The following PPP2R3A variants were observed in gnomAD, a reference collection of about 807,000 sequenced individuals.
PPP2R3A encodes the protein serine/threonine-protein phosphatase 2A regulatory subunit B'' subunit alpha.
A neutral mutation model predicts 106.9 loss-of-function variants in PPP2R3A; 80 were observed. That is an observed-to-expected ratio of 0.75 (90% confidence interval 0.62 to 0.90). The LOEUF (loss-of-function observed/expected upper bound fraction) is 0.90. Ranked by LOEUF, PPP2R3A falls within the 40% of genes least tolerant of loss-of-function variation. The pLI, the probability that PPP2R3A is intolerant of heterozygous loss-of-function variation, is 0.00. For missense variants in PPP2R3A, 1,386 were observed against 1,350.4 expected (o/e 1.03, Z -0.41); for synonymous variants, 483 against 468.3 (o/e 1.03, Z -0.41).
intron 2 of PPP2R3A, among the ~76,000 whole-genome samples, chr3:136,009,595 C>T (rs919529453): frequency 6.6e-6 from 1 of 151,982 alleles, no homozygotes; most frequent in Non-Finnish European, 1.5e-5. Flanking sequence ...AGTATGGTTC[C>T]CAACTAATAC....
intron 13 of PPP2R3A, among the ~76,000 whole-genome samples, chr3:136,134,181 T>C (rs748774066): frequency 5.5e-4 from 84 of 152,302 alleles, no homozygotes; most frequent in Middle Eastern, 3.4e-3. Context: ...TGCTGTCTCA[T>C]AGAAGAAACA....
At chr3:136,050,878 C>G (rs1935661652) in intron 5 of PPP2R3A, among the ~76,000 whole-genome samples, 1 of 152,080 alleles carries the variant, frequency 6.6e-6, no homozygotes, top group African/African-American at 2.4e-5. Context: ...GAAGTGACCT[C>G]AAAATCTTCA....
intron 1 of PPP2R3A, among the ~76,000 whole-genome samples, chr3:135,974,451 T>C (rs1365005736): frequency 1.3e-5 from 2 of 152,356 alleles, no homozygotes; most frequent in East Asian, 1.9e-4. Context: ...AAGTAAGTTA[T>C]CCACTCAGAG....
chr3:135,966,470 A>C (rs1417804898), intron 1 of PPP2R3A, among the ~76,000 whole-genome samples: 2 of 151,984 alleles, frequency 1.3e-5, no homozygotes, highest in African/African-American at 2.4e-5. Context: ...GCCGCGCTGG[A>C]GCGCCTCGGT....
chr3:135,999,310 T>C (rs1933525510), intron 1 of PPP2R3A, among the ~76,000 whole-genome samples: 1 of 152,198 alleles, frequency 6.6e-6, no homozygotes, highest in Admixed American at 6.5e-5. Flanking sequence ...AACCACCTTA[T>C]ATTAGGCCAC....
intron 5 of PPP2R3A, among the ~76,000 whole-genome samples, chr3:136,059,118 C>T (rs528334320): frequency 3.3e-5 from 5 of 151,906 alleles, no homozygotes; most frequent in Non-Finnish European, 5.9e-5. Context: ...GCAATTGTAA[C>T]GGGCAAAAAT....
At chr3:136,124,344 G>T (rs1294149609) in intron 13 of PPP2R3A, among the ~76,000 whole-genome samples, 1 of 152,092 alleles carries the variant, frequency 6.6e-6, no homozygotes, top group Non-Finnish European at 1.5e-5. Context: ...GCCGGGCATG[G>T]GGATGGCATA....
chr3:136,044,997 A>G (rs945309306), intron 4 of PPP2R3A, among the ~76,000 whole-genome samples: 4 of 152,170 alleles, frequency 2.6e-5, no homozygotes, highest in African/African-American at 9.7e-5. Context: ...ACAAAACACA[A>G]CCATAGGCAC....
At chr3:136,040,132 T>C (rs929401723) in intron 3 of PPP2R3A, among the ~76,000 whole-genome samples, 3 of 152,194 alleles carry the variant, frequency 2.0e-5, no homozygotes, top group African/African-American at 7.2e-5. Flanking sequence ...GAGAAGGAGA[T>C]AGGTAGTGGA....
intron 10 of PPP2R3A, among the ~76,000 whole-genome samples, chr3:136,099,575 AG>A: frequency 6.6e-6 from 1 of 152,122 alleles, no homozygotes; most frequent in South Asian, 2.1e-4. Context: ...AACAATGTTT[AG>A]AAGATAAAGC....
chr3:136,108,695 T>C (rs1217408548), intron 13 of PPP2R3A, among the ~76,000 whole-genome samples: 1 of 151,084 alleles, frequency 6.6e-6, no homozygotes, highest in Non-Finnish European at 1.5e-5. Flanking sequence ...AGGTTTATCA[T>C]TGGGTTTTTT....
Position 136,000,754 on chromosome 3 carries a change from T to C in PPP2R3A, c.-440-305T>C, listed in dbSNP as rs544843324. Among the ~76,000 whole-genome samples the C allele has an allele frequency of 5.9e-4, 90 of 152,312 alleles. 1 individual carries two copies. Among genetic ancestry groups the C allele is most frequent in the African/African-American group, 2.1e-3 (89 of 41,552 alleles). Reference sequence around the variant, plus strand: ...TGAGGAAATCAGAAGTGTGAATTTTTAAGCTGTGAGGGATGAAAATGCCGT... The same window carrying C: ...TGAGGAAATCAGAAGTGTGAATTTTCAAGCTGTGAGGGATGAAAATGCCGT... On this transcript the variant is annotated intron_variant, in intron 1 of 13. Coordinates refer to ENST00000264977, the MANE Select transcript of PPP2R3A (RefSeq NM_002718.5).
At chr3:135,999,719 T>C (rs1183436878) in intron 1 of PPP2R3A, among the ~76,000 whole-genome samples, 1 of 152,178 alleles carries the variant, frequency 6.6e-6, no homozygotes, top group Non-Finnish European at 1.5e-5. Context: ...CCTTTTTCTT[T>C]CTCAGCAAGA....
intron 13 of PPP2R3A, among the ~76,000 whole-genome samples, chr3:136,114,544 C>T (rs936758417): frequency 9.9e-5 from 15 of 152,194 alleles, no homozygotes; most frequent in Admixed American, 3.9e-4. Flanking sequence ...GCTTGAAATT[C>T]TTGCTGCCAG....
chr3:136,088,522 T>C (rs1937015943), intron 9 of PPP2R3A, among the ~76,000 whole-genome samples: 1 of 152,206 alleles, frequency 6.6e-6, no homozygotes, highest in African/African-American at 2.4e-5. Context: ...GTTGATTCCA[T>C]GTCTTTGCTA....
intron 2 of PPP2R3A, among the ~76,000 whole-genome samples, chr3:136,009,384 C>G (rs1053696754): frequency 2.0e-5 from 3 of 152,088 alleles, no homozygotes; most frequent in African/African-American, 7.2e-5. Flanking sequence ...CATCTACCAA[C>G]CCAGGTCACT....
At chr3:136,063,350 A>C (rs922879982) in intron 5 of PPP2R3A, among the ~76,000 whole-genome samples, 1 of 152,234 alleles carries the variant, frequency 6.6e-6, no homozygotes, top group African/African-American at 2.4e-5. Flanking sequence ...ACCATTCAGG[A>C]CATAGGCATG....
At position 136,145,158 on chromosome 3, in the gene PPP2R3A, G is replaced by T; in HGVS notation, c.3445G>T (p.Glu1149Ter). 1 of 1,609,302 alleles carries T rather than the reference G, an allele frequency of 6.2e-7. No individual in the cohort carries two copies. Among genetic ancestry groups the T allele is most frequent in the South Asian group, 1.1e-5 (1 of 89,824 alleles). Residue 1149 changes from glutamate to a stop codon, truncating the protein, a stop_gained, in exon 14 of 14, where the codon GAA (glutamate) becomes TAA (stop). Transcript: ENST00000264977. LOFTEE classifies it high-confidence loss of function. ...ATGTGGAAAGCTTCAATCAGTGGAT[G>T]AAGAATAGCTGCCGGTGTCTACAAT... Reference protein sequence around the residue: ...EKCGKLQSVDEE With the variant: ...EKCGKLQSVD
intron 9 of PPP2R3A, among the ~76,000 whole-genome samples, chr3:136,090,328 A>T (rs557434628): frequency 2.8e-4 from 43 of 152,322 alleles, no homozygotes; most frequent in Admixed American, 2.2e-3. Flanking sequence ...ACAGCATTTT[A>T]TCCCAGTGAT....
Sources: gnomAD v4.1 joint callset for allele counts (sites outside exome capture counted in the v4.1 genomes callset) on GRCh38, gnomAD v4.1.1 for gene constraint, MANE v1.5 for transcripts, NCBI Gene and HGNC (gene_info 2026-07-23, HGNC 2026-07-21) for gene names.